EME1: variants seen among roughly 807,000 people sequenced by gnomAD.
The protein encoded by EME1 is structure-specific endonuclease subunit EME1.
In EME1, 61 loss-of-function variants were observed where a neutral mutation model predicts 59.1. The ratio of observed to expected loss-of-function variants is 1.03; its 90% confidence interval spans 0.84 to 1.28. The LOEUF (loss-of-function observed/expected upper bound fraction) is 1.28. EME1 is among the 50% of genes most tolerant of loss of function. The probability of loss-of-function intolerance (pLI) is 0.00; values close to 1 mark genes in which losing one functional copy is unlikely to be tolerated. For missense variants in EME1, 635 were observed against 682.6 expected (o/e 0.93, Z 0.78); for synonymous variants, 230 against 254.2 (o/e 0.90, Z 0.90).
intron 3 of EME1, among the ~76,000 whole-genome samples, chr17:50,377,019 C>T (rs1296944100): frequency 2.0e-5 from 3 of 152,094 alleles, no homozygotes; most frequent in Non-Finnish European, 4.4e-5. Flanking sequence ...CAAAATGCTG[C>T]GATTACAGGT....
At chr17:50,377,754 TTCTC>T (rs1377864398) in intron 3 of EME1, among the ~76,000 whole-genome samples, 1 of 151,848 alleles carries the variant, frequency 6.6e-6, no homozygotes, top group Admixed American at 6.6e-5. Flanking sequence ...TGTTCCTTTT[TTCTC>T]TCTTTTTTTT....
At position 50,380,768 on chromosome 17, in the gene EME1, T is replaced by G. The variant is rs905055017; in HGVS notation, c.1542T>G (p.Tyr514Ter). The G allele has an allele frequency of 1.2e-6, 2 of 1,614,124 alleles. No homozygotes were observed. The highest frequency in any genetic ancestry group is 2.2e-5 in the South Asian group (2 of 91,078). ...AGGTCATCTACCACTTCCAGGCTTATCAGCAGTGTTTTTCGGATAAAGAAC... is the reference window on the plus strand; with the variant it reads ...AGGTCATCTACCACTTCCAGGCTTAGCAGCAGTGTTTTTCGGATAAAGAAC... Reference protein sequence around the residue: ...YPSPQLLVQAYQQCFSDKERQ... With the variant: ...YPSPQLLVQA The change falls in exon 9 of 9, where the codon TAT (tyrosine) becomes TAG (stop). Residue 514 changes from tyrosine to a stop codon, truncating the protein, a stop_gained. Coordinates refer to ENST00000338165, the MANE Select transcript of EME1 (RefSeq NM_152463.4). LOFTEE classifies it high-confidence loss of function.
Position 50,375,866 on chromosome 17 carries a change from A to C in EME1, c.658A>C (p.Arg220=). 6.2e-7 allele frequency: 1 copy of C among 1,614,206 alleles called. No homozygotes were observed. The highest frequency in any genetic ancestry group is 1.3e-5 in the African/African-American group (1 of 75,052). The part of the protein sequence containing the change: ...SHGCRQQRQA[R]QKESTLRRQE... ...CGGATGCCGGCAGCAGAGACAAGCA[A>C]GGCAGAAGGAAAGCACCCTGAGAAG... is the stretch of plus-strand genomic sequence containing the variant. Residue 220 remains arginine, a synonymous_variant, in exon 2 of 9, where the codon AGG becomes CGG. Transcript: ENST00000338165.
Position 50,375,416 on chromosome 17 carries a change from A to G in EME1, c.208A>G (p.Ile70Val). 1 of 1,614,208 alleles carries G rather than the reference A, an allele frequency of 6.2e-7. No individual in the cohort carries two copies. Among genetic ancestry groups the G allele is most frequent in the Non-Finnish European group, 8.5e-7 (1 of 1,180,028 alleles). The change falls in exon 2 of 9, where the codon ATA becomes GTA. Residue 70 changes from isoleucine (I) to valine (V), a missense_variant. Physicochemically the swap from Ile to Val is conservative, Grantham distance 29. Transcript: ENST00000338165. ...GTTATTTTCACCACCTGTCCCAGAA[A>G]TAGCTGAAACTGTCACACAAACACA... ...PELFSPPVPE[I>V]AETVTQTQPV...
Position 50,375,189 on chromosome 17 carries a change from T to C in EME1, c.-20T>C, listed in dbSNP as rs775021174. On this transcript the variant is annotated 5_prime_UTR_variant, in exon 2 of 9. Transcript: ENST00000338165. ...ATATGTCTCTTTTCCTTTTAGGGAATTATTTGATAGCACATACTGATGGCT... is the reference window on the plus strand; with the variant it reads ...ATATGTCTCTTTTCCTTTTAGGGAACTATTTGATAGCACATACTGATGGCT... 2 of 1,606,512 alleles carry C rather than the reference T, an allele frequency of 1.2e-6. No homozygotes were observed. The highest frequency in any genetic ancestry group is 1.7e-5 in the Admixed American group (1 of 58,596).
intron 8 of EME1, 43 bp downstream of exon 8, chr17:50,380,544 G>A (rs770430825): frequency 7.5e-6 from 12 of 1,597,144 alleles, no homozygotes; most frequent in East Asian, 2.2e-5. Flanking sequence ...CATTGCCTGC[G>A]GGCTCAGTGG....
At chr17:50,380,246 C>G in intron 7 of EME1, 66 bp from the exon 8 acceptor site, 3 of 1,489,992 alleles carry the variant, frequency 2.0e-6, no homozygotes, top group Non-Finnish European at 2.7e-6. Flanking sequence ...TTTCAGTTGC[C>G]ACTTGAGGGG....
chr17:50,378,573 T>C, intron 3 of EME1, 22 bp from the exon 4 acceptor site: 1 of 1,612,766 alleles, frequency 6.2e-7, no homozygotes, highest in Non-Finnish European at 8.5e-7. Flanking sequence ...CTCCCTGTGC[T>C]GTGTTCTGGG....
At position 50,381,109 on chromosome 17, in the gene EME1, G is replaced by C; in HGVS notation, c.*170G>C. 1 of 727,958 alleles carries C rather than the reference G, an allele frequency of 1.4e-6. No individual in the cohort carries two copies. The allele number at this position is 727,958 out of a possible 1,614,324, so 45.1% of individuals were successfully genotyped here. A position where few individuals can be genotyped will look rare whatever the true frequency, so the allele number is the denominator to read the frequency against. The stretch of plus-strand genomic sequence containing the variant: ...AAGGTCTCTCTGCCTGTCGGCTGGG[G>C]CAGAGACTGAAATACTGCCACCTAC... On this transcript the variant is annotated 3_prime_UTR_variant, in exon 9 of 9. Transcript: ENST00000338165.
At chr17:50,374,663 C>A (rs546852769) in intron 1 of EME1, among the ~76,000 whole-genome samples, 3 of 152,136 alleles carry the variant, frequency 2.0e-5, no homozygotes, top group Admixed American at 6.5e-5. Flanking sequence ...ACTAGCCTGG[C>A]GAACATGATG....
rs528576282 is a variant in EME1, at chr17:50,380,923, T to C, written c.1697T>C (p.Leu566Ser). 1.3e-5 allele frequency: 21 copies of C among 1,614,058 alleles called. No homozygotes were observed. Among genetic ancestry groups the C allele is most frequent in the Middle Eastern group, 1.6e-4 (1 of 6,084 alleles). Residue 566 changes from leucine to serine, a missense_variant, in exon 9 of 9, where the codon TTA (leucine) becomes TCA (serine). Leu to Ser is a moderately radical substitution (Grantham distance 145). Coordinates refer to ENST00000338165, the MANE Select transcript of EME1 (RefSeq NM_152463.4). The stretch of plus-strand genomic sequence containing the variant: ...ACCACTTTACAGCCACATCTCTCTT[T>C]AGATAGTGCTGACTGATTCTAGCCC... ...QMTTLQPHLS[L>S]DSAD
At position 50,375,559 on chromosome 17, in the gene EME1, C is replaced by T; in HGVS notation, c.351C>T (p.Ser117=). Residue 117 remains serine, a synonymous_variant, in exon 2 of 9, where the codon TCC becomes TCT. Transcript: ENST00000338165. ...AACTGAGCCCTGAGGACTCTAGCTC[C>T]CCAGTTAAAAGTGTTTTGGATCATC... ...HKQLSPEDSS[S]PVKSVLDHQN... 5.0e-6 allele frequency: 8 copies of T among 1,614,164 alleles called. No homozygotes were observed. The highest frequency in any genetic ancestry group is 5.9e-6 in the Non-Finnish European group (7 of 1,180,024).
At chr17:50,375,058 A>T in intron 1 of EME1, 127 bp from the exon 2 acceptor site, 1 of 689,562 alleles carries the variant, frequency 1.5e-6, no homozygotes, top group Non-Finnish European at 2.4e-6. Context: ...TGTTGGGGCC[A>T]TGTCATATTT....
Position 50,381,194 on chromosome 17 carries a change from A to C in EME1, c.*255A>C. 4.3e-6 allele frequency: 2 copies of C among 463,940 alleles called. No homozygotes were observed. The highest frequency in any genetic ancestry group is 3.6e-5 in the East Asian group (1 of 27,738). 28.7% of individuals were successfully genotyped at this position (463,940 alleles called of 1,614,324 possible). A position where few individuals can be genotyped will look rare whatever the true frequency, so the allele number is the denominator to read the frequency against. On this transcript the variant is annotated 3_prime_UTR_variant, in exon 9 of 9. Transcript: ENST00000338165. ...TCACTGCCACAGACAAACCACCCCCACTCCTACCCAGCCAGCCCTCAAAAC... is the reference window on the plus strand; with the variant it reads ...TCACTGCCACAGACAAACCACCCCCCCTCCTACCCAGCCAGCCCTCAAAAC...
chr17:50,381,352 C>CA lies in EME1; in HGVS notation c.*415dup, dbSNP rs1315954273. The CA allele has an allele frequency of 4.9e-6, 1 of 203,850 alleles. No individual in the cohort carries two copies. Among genetic ancestry groups the CA allele is most frequent in the Non-Finnish European group, 1.0e-5 (1 of 98,444 alleles). 12.6% of individuals were successfully genotyped at this position (203,850 alleles called of 1,614,324 possible). On this transcript the variant is annotated 3_prime_UTR_variant, in exon 9 of 9. Transcript: ENST00000338165. ...ACTGGGCTCAGCCACTGAGCTGCCT[C>CA]AACCGGCCAAGGAACGGGATTATGA...
At position 50,376,092 on chromosome 17, in the gene EME1, C is replaced by T. The variant is rs1440374379; in HGVS notation, c.802C>T (p.Gln268Ter). Residue 268 changes from glutamine (Q) to a stop codon, truncating the protein, a stop_gained, in exon 3 of 9, where the codon CAG becomes TAG. Coordinates refer to ENST00000338165, the MANE Select transcript of EME1 (RefSeq NM_152463.4). LOFTEE classifies it high-confidence loss of function. Reference sequence around the variant, plus strand: ...GCTCTTACAGATGGAAGGTGGGGGCCAGCTCCTAGGAGCACTGCAGACCAT... The same window carrying T: ...GCTCTTACAGATGGAAGGTGGGGGCTAGCTCCTAGGAGCACTGCAGACCAT... ...PVLLQMEGGGQLLGALQTMEC... is the reference protein window; with the variant it reads ...PVLLQMEGGG 2 of 1,613,730 alleles carry T rather than the reference C, an allele frequency of 1.2e-6. No individual in the cohort carries two copies. The highest frequency in any genetic ancestry group is 1.3e-5 in the African/African-American group (1 of 74,898).
Position 50,379,442 on chromosome 17 carries a change from G to C in EME1, c.1231-10G>C, listed in dbSNP as rs1913665154. Reference sequence around the variant, plus strand: ...ACCCTTCCAGTCCATCGTTGCTTTTGGGTTTCTAGGCATTGGTGGATCTGC... The same window carrying C: ...ACCCTTCCAGTCCATCGTTGCTTTTCGGTTTCTAGGCATTGGTGGATCTGC... On this transcript the variant is annotated splice_polypyrimidine_tract_variant and intron_variant, in intron 6 of 8. Transcript: ENST00000338165. 1 of 1,613,438 alleles carries C rather than the reference G, an allele frequency of 6.2e-7. No homozygotes were observed. Among genetic ancestry groups the C allele is most frequent in the Non-Finnish European group, 8.5e-7 (1 of 1,179,658 alleles).
intron 7 of EME1, 84 bp from the exon 8 acceptor site, chr17:50,380,228 G>A: frequency 7.3e-7 from 1 of 1,367,666 alleles, no homozygotes; most frequent in Non-Finnish European, 1.0e-6. Context: ...CAAGGTCAGT[G>A]GGGGGGTTTT....
At position 50,380,936 on chromosome 17, in the gene EME1, C is replaced by T; in HGVS notation, c.1710C>T (p.Asp570=). The T allele has an allele frequency of 1.9e-6, 3 of 1,614,074 alleles. No homozygotes were observed. Among genetic ancestry groups the T allele is most frequent in the Non-Finnish European group, 2.5e-6 (3 of 1,180,000 alleles). Residue 570 remains aspartate (D), a synonymous_variant, in exon 9 of 9, where the codon GAC becomes GAT. Transcript: ENST00000338165. The part of the protein sequence containing the change: ...LQPHLSLDSA[D] ...CACATCTCTCTTTAGATAGTGCTGACTGATTCTAGCCCTCAGGGATGAGGA... is the reference window on the plus strand; with the variant it reads ...CACATCTCTCTTTAGATAGTGCTGATTGATTCTAGCCCTCAGGGATGAGGA...
Sources: allele counts gnomAD v4.1 joint callset (sites outside exome capture counted in the v4.1 genomes callset), GRCh38; gene constraint gnomAD v4.1.1; transcripts MANE v1.5; gene names NCBI Gene and HGNC (gene_info 2026-07-23, HGNC 2026-07-21).